FBN2: variants seen among roughly 807,000 people sequenced by gnomAD.
The protein encoded by FBN2 is fibrillin 2, also known as fibrillin-2.
FBN2 carries 105 observed loss-of-function variants against 355.6 expected under a neutral mutation model. The ratio of observed to expected loss-of-function variants is 0.30; its 90% confidence interval spans 0.25 to 0.35. FBN2 has a LOEUF of 0.35. FBN2 is among the 10% of genes least tolerant of loss of function. The pLI, the probability that FBN2 is intolerant of heterozygous loss-of-function variation, is 1.00. For synonymous variants in FBN2, 1,350 were observed against 1,301.2 expected, an observed-to-expected ratio of 1.04 and a Z score of -0.81; for missense variants, 3,280 against 3,758.7, an observed-to-expected ratio of 0.87 and a Z score of 3.33.
chr5:128,369,305 C>T lies in FBN2; in HGVS notation c.2125G>A (p.Gly709Arg). 1 of 1,614,092 alleles carries T rather than the reference C, an allele frequency of 6.2e-7. No individual in the cohort carries two copies. Among genetic ancestry groups the T allele is most frequent in the Non-Finnish European group, 8.5e-7 (1 of 1,180,004 alleles). The stretch of plus-strand genomic sequence containing the variant: ...CGCACACACACTCCTTTCTTGATTC[C>T]TCCATAGCAGGTACTGCGCATGTGA... ...DTHMRSTCYGGIKKGVCVRPF... is the reference protein window; with the variant it reads ...DTHMRSTCYGRIKKGVCVRPF... Residue 709 changes from glycine (G) to arginine (R), a missense_variant, in exon 16 of 65, where the codon GGA becomes AGA. Gly to Arg is a moderately radical substitution (Grantham distance 125). Transcript: ENST00000262464.
At chr5:128,406,781 A>C (rs1752938246) in intron 8 of FBN2, among the ~76,000 whole-genome samples, 2 of 152,180 alleles carry the variant, frequency 1.3e-5, no homozygotes, top group Non-Finnish European at 2.9e-5. Context: ...TGTTCCATCT[A>C]ATATTTTTGA....
chr5:128,462,552 T>C (rs1265797245), intron 6 of FBN2, among the ~76,000 whole-genome samples: 1 of 152,174 alleles, frequency 6.6e-6, no homozygotes, highest in East Asian at 1.9e-4. Flanking sequence ...TGTTAATCCC[T>C]CAGATTTTTA....
At chr5:128,506,195 C>T (rs182048897) in intron 5 of FBN2, among the ~76,000 whole-genome samples, 1 of 152,160 alleles carries the variant, frequency 6.6e-6, no homozygotes. Context: ...GGACTTCATA[C>T]ATTCCTGGTA....
intron 34 of FBN2, 23 bp from the exon 35 acceptor site, chr5:128,319,024 A>G (rs1750291869): frequency 1.9e-6 from 3 of 1,570,370 alleles, no homozygotes; most frequent in South Asian, 2.2e-5. Context: ...AAAAAAAGTA[A>G]TCTCTTATTT....
chr5:128,525,115 C>A (rs1462956982), intron 4 of FBN2, among the ~76,000 whole-genome samples: 1 of 152,098 alleles, frequency 6.6e-6, no homozygotes, highest in East Asian at 1.9e-4. Flanking sequence ...TGAAGAGCAG[C>A]TTAATTCAGA....
intron 8 of FBN2, among the ~76,000 whole-genome samples, chr5:128,400,479 G>T (rs1752769073): frequency 6.6e-6 from 1 of 152,118 alleles, no homozygotes; most frequent in Non-Finnish European, 1.5e-5. Context: ...ACAAAATTCT[G>T]TAGGTACAAA....
At chr5:128,364,516 A>AGTCATTT (rs1432823460) in intron 18 of FBN2, 84 bp downstream of exon 18, 2 of 1,363,820 alleles carry the variant, frequency 1.5e-6, no homozygotes, top group African/African-American at 2.9e-5. Flanking sequence ...TTTTAGTTTT[A>AGTCATTT]GTCATTTGTG....
intron 31 of FBN2, among the ~76,000 whole-genome samples, chr5:128,333,475 T>A (rs1750747023): frequency 2.0e-5 from 3 of 152,086 alleles, no homozygotes; most frequent in Non-Finnish European, 4.4e-5. Context: ...TCTAACTTTT[T>A]AAAAAAAGTA....
intron 36 of FBN2, among the ~76,000 whole-genome samples, chr5:128,314,716 T>C (rs927090779): frequency 6.6e-6 from 1 of 152,206 alleles, no homozygotes; most frequent in Non-Finnish European, 1.5e-5. Flanking sequence ...TCTCCTTCCC[T>C]ACCAGATCAT....
At chr5:128,365,027 T>C in intron 17 of FBN2, 1 of 270,790 alleles carries the variant, frequency 3.7e-6, no homozygotes, top group Non-Finnish European at 7.1e-6. Context: ...TTATAGGCTG[T>C]TGGCTCCAAA....
chr5:128,369,798 G>C (rs75452544), intron 15 of FBN2, among the ~76,000 whole-genome samples: 2 of 152,112 alleles, frequency 1.3e-5, no homozygotes, highest in Non-Finnish European at 2.9e-5. Flanking sequence ...CCCACTTTCC[G>C]AGTTAGGAGG....
chr5:128,299,496 C>T (rs1034348717), intron 48 of FBN2, among the ~76,000 whole-genome samples: 11 of 150,530 alleles, frequency 7.3e-5, no homozygotes, highest in East Asian at 2.0e-4. Context: ...TAGGACCCTC[C>T]GAGCCATGTG....
At chr5:128,307,543 G>A (rs555557402) in intron 41 of FBN2, among the ~76,000 whole-genome samples, 29 of 150,132 alleles carry the variant, frequency 1.9e-4, no homozygotes, top group African/African-American at 6.8e-4. Flanking sequence ...AATACATAAA[G>A]ATTAAAAAAA....
chr5:128,481,844 T>C (rs937857014), intron 5 of FBN2, among the ~76,000 whole-genome samples: 4 of 152,224 alleles, frequency 2.6e-5, no homozygotes, highest in African/African-American at 4.8e-5. Context: ...TGATATAGAA[T>C]AGTTGTACCT....
intron 61 of FBN2, among the ~76,000 whole-genome samples, chr5:128,273,035 T>C (rs1226374309): frequency 6.6e-6 from 1 of 152,214 alleles, no homozygotes; most frequent in Non-Finnish European, 1.5e-5. Flanking sequence ...CATATATTTC[T>C]AGAAATCCAA....
At chr5:128,471,603 C>T (rs1754861485) in intron 5 of FBN2, among the ~76,000 whole-genome samples, 1 of 151,958 alleles carries the variant, frequency 6.6e-6, no homozygotes, top group South Asian at 2.1e-4. Flanking sequence ...ACCTGTAATG[C>T]CTGAAAACAT....
intron 11 of FBN2, among the ~76,000 whole-genome samples, chr5:128,379,821 A>G (rs1752182364): frequency 6.6e-6 from 1 of 152,184 alleles, no homozygotes; most frequent in African/African-American, 2.4e-5. Context: ...AGAGGGCATA[A>G]TGATTTGCCA....
At position 128,283,078 on chromosome 5, in the gene FBN2, G is replaced by A. The variant is rs371936170; in HGVS notation, c.7013-2761C>T. Among the ~76,000 whole-genome samples the A allele has an allele frequency of 2.0e-4, 30 of 152,230 alleles. No homozygotes were observed. In the East Asian group the frequency reaches 3.1e-3, roughly 16 times the overall value. On this transcript the variant is annotated intron_variant, in intron 55 of 64. Transcript: ENST00000262464. Reference sequence around the variant, plus strand: ...GCTATGCCCTCACTTTCAACCTTTTGTCTTCTTCCAACAGCTAAACTATCT... The same window carrying A: ...GCTATGCCCTCACTTTCAACCTTTTATCTTCTTCCAACAGCTAAACTATCT...
intron 63 of FBN2, 126 bp from the exon 64 acceptor site, chr5:128,262,033 C>A: frequency 1.3e-6 from 1 of 782,470 alleles, no homozygotes; most frequent in East Asian, 2.5e-5. Context: ...AAACATAAAA[C>A]CCTAATATTC....
Sources: allele counts gnomAD v4.1 joint callset (sites outside exome capture counted in the v4.1 genomes callset), GRCh38; gene constraint gnomAD v4.1.1; transcripts MANE v1.5; gene names NCBI Gene and HGNC (gene_info 2026-07-23, HGNC 2026-07-21).